NR1H4: variants seen among roughly 807,000 people sequenced by gnomAD.
NR1H4 encodes the protein nuclear receptor subfamily 1 group H member 4, also known as bile acid receptor.
In NR1H4, 23 loss-of-function variants were observed where a neutral mutation model predicts 58.5. That is an observed-to-expected ratio of 0.39 (90% CI 0.28 to 0.56). The LOEUF (loss-of-function observed/expected upper bound fraction) is 0.56. Ranked by LOEUF, NR1H4 falls within the 20% of genes least tolerant of loss-of-function variation. The probability of loss-of-function intolerance (pLI) is 0.58; values close to 1 mark genes in which losing one functional copy is unlikely to be tolerated. For synonymous variants in NR1H4, 214 were observed against 198.0 expected (o/e 1.08, Z -0.68); for missense variants, 487 against 576.9 (o/e 0.84, Z 1.60).
At position 100,506,038 on chromosome 12, in the gene NR1H4, CACACAG is replaced by C. The variant is rs1180624796; in HGVS notation, c.80-4738_80-4733del. Among the ~76,000 whole-genome samples, 398 of 132,240 alleles carry C rather than the reference CACACAG, an allele frequency of 3.0e-3. 1 individual carries two copies. Among genetic ancestry groups the C allele is most frequent in the African/African-American group, 0.013 (382 of 29,366 alleles). 86.8% of individuals were successfully genotyped at this position (132,240 alleles called of 152,430 possible). ...ACACACACACACACACACACACACA[CACACAG>C]AGAGAGAGAGAGAACATGAGCATAT... On this transcript the variant is annotated intron_variant, in intron 3 of 10. Coordinates refer to ENST00000392986, the MANE Select transcript of NR1H4 (RefSeq NM_001206979.2).
At chr12:100,543,441 G>A (rs958176674) in intron 9 of NR1H4, among the ~76,000 whole-genome samples, 4 of 152,096 alleles carry the variant, frequency 2.6e-5, no homozygotes, top group East Asian at 3.9e-4. Flanking sequence ...AAGATGTCAC[G>A]CTTGCTGCCA....
chr12:100,541,605 C>CT (rs111792361), intron 9 of NR1H4, among the ~76,000 whole-genome samples: 265 of 142,968 alleles, frequency 1.9e-3, no homozygotes, highest in Middle Eastern at 7.2e-3. Context: ...TTTTTCTTTT[C>CT]TTTTTTTTTT....
At position 100,499,949 on chromosome 12, in the gene NR1H4, G is replaced by T. The variant is rs1352255913; in HGVS notation, c.79+6547G>T. 1.8e-5 allele frequency: 8 copies of T among 455,838 alleles called. No homozygotes were observed. In the East Asian group the frequency reaches 3.5e-4, roughly 20 times the overall value. 28.2% of individuals were successfully genotyped at this position (455,838 alleles called of 1,614,324 possible). A position where few individuals can be genotyped will look rare whatever the true frequency, so the allele number is the denominator to read the frequency against. On this transcript the variant is annotated intron_variant, in intron 3 of 10. Coordinates refer to ENST00000392986, the MANE Select transcript of NR1H4 (RefSeq NM_001206979.2). Reference sequence around the variant, plus strand: ...AAGTTACTTGCCTTATTTAAATAAGGTGATAAGAAGAATGCCTGGCACATC... The same window carrying T: ...AAGTTACTTGCCTTATTTAAATAAGTTGATAAGAAGAATGCCTGGCACATC...
At chr12:100,550,682 C>T (rs1955184691) in intron 9 of NR1H4, among the ~76,000 whole-genome samples, 1 of 151,002 alleles carries the variant, frequency 6.6e-6, no homozygotes, top group Non-Finnish European at 1.5e-5. Context: ...TACATTTTAA[C>T]ATTAAGGAAA....
intron 1 of NR1H4, among the ~76,000 whole-genome samples, chr12:100,475,332 A>C (rs1249076213): frequency 6.6e-6 from 1 of 152,052 alleles, no homozygotes; most frequent in African/African-American, 2.4e-5. Context: ...TGTACCGTGG[A>C]CTTTTCTGTT....
chr12:100,528,220 T>G lies in NR1H4; in HGVS notation c.446-4238T>G, dbSNP rs74240151. On this transcript the variant is annotated intron_variant, in intron 4 of 10. Transcript: ENST00000392986. ...GTGCATGTGTATGTACACATATATGTGTATGACTTGAGAATAGGGTGTGGT... is the reference window on the plus strand; with the variant it reads ...GTGCATGTGTATGTACACATATATGGGTATGACTTGAGAATAGGGTGTGGT... Among the ~76,000 whole-genome samples the G allele has an allele frequency of 6.9e-3, 1,045 of 152,348 alleles. 56 individuals are homozygous for G. In the East Asian group the frequency reaches 0.14, roughly 21 times the overall value.
chr12:100,526,742 C>T (rs1411353661), intron 4 of NR1H4, among the ~76,000 whole-genome samples: 1 of 152,164 alleles, frequency 6.6e-6, no homozygotes, highest in Non-Finnish European at 1.5e-5. Flanking sequence ...AGATCTGTCA[C>T]TCCTCTAGAA....
At chr12:100,521,603 T>C (rs979808234) in intron 4 of NR1H4, among the ~76,000 whole-genome samples, 1 of 152,134 alleles carries the variant, frequency 6.6e-6, no homozygotes, top group Non-Finnish European at 1.5e-5. Flanking sequence ...TCTGAGTAAA[T>C]GAGTGACCCT....
chr12:100,557,510 T>G (rs1246879508), intron 9 of NR1H4, among the ~76,000 whole-genome samples: 1 of 152,212 alleles, frequency 6.6e-6, no homozygotes, highest in East Asian at 1.9e-4. Context: ...TATTGTGTAA[T>G]GATGTGATTT....
At chr12:100,544,346 T>C (rs1461730025) in intron 9 of NR1H4, among the ~76,000 whole-genome samples, 1 of 151,966 alleles carries the variant, frequency 6.6e-6, no homozygotes, top group Non-Finnish European at 1.5e-5. Flanking sequence ...CAAAACTTAT[T>C]CATTTTACTG....
Position 100,532,591 on chromosome 12 carries a change from G to C in NR1H4, c.579G>C (p.Leu193Phe), listed in dbSNP as rs200456214. The C allele has an allele frequency of 1.2e-5, 20 of 1,614,048 alleles. No individual in the cohort carries two copies. The East Asian group carries it at 4.5e-4, about 36-fold the overall frequency. ...GGAAATGCAAAGAGATGGGAATGTT[G>C]GCTGAATGTATGTATACAGGTATTC... ...RLRKCKEMGMLAECMYTGLLT... is the reference protein window; with the variant it reads ...RLRKCKEMGMFAECMYTGLLT... Residue 193 changes from leucine to phenylalanine, a missense_variant, in exon 5 of 11, where the codon TTG becomes TTC. Coordinates refer to ENST00000392986, the MANE Select transcript of NR1H4 (RefSeq NM_001206979.2).
chr12:100,543,933 T>G (rs1262389423), intron 9 of NR1H4, among the ~76,000 whole-genome samples: 3 of 152,110 alleles, frequency 2.0e-5, no homozygotes, highest in African/African-American at 7.2e-5. Context: ...CTGGCTTCCA[T>G]GGACTGTGGC....
At chr12:100,484,325 G>A (rs148705525) in intron 1 of NR1H4, among the ~76,000 whole-genome samples, 4 of 152,218 alleles carry the variant, frequency 2.6e-5, no homozygotes, top group African/African-American at 7.2e-5. Flanking sequence ...ATTGCAAATG[G>A]TTTATACTAA....
intron 3 of NR1H4, chr12:100,505,846 G>T: frequency 4.5e-6 from 2 of 443,542 alleles, no homozygotes; most frequent in Non-Finnish European, 4.0e-6. Context: ...TGCCAATGTT[G>T]TATTTGTTTA....
At chr12:100,481,596 A>G (rs112061988) in intron 1 of NR1H4, among the ~76,000 whole-genome samples, 3,449 of 152,158 alleles carry the variant, frequency 0.023, 53 homozygotes, top group Non-Finnish European at 0.036. Context: ...CAACATGGTG[A>G]AATCCTGTCT....
intron 9 of NR1H4, among the ~76,000 whole-genome samples, chr12:100,543,861 T>C (rs1954995687): frequency 6.6e-6 from 1 of 152,164 alleles, no homozygotes; most frequent in Admixed American, 6.5e-5. Context: ...GTTCTCTCTT[T>C]ATGCAGAAAA....
intron 1 of NR1H4, among the ~76,000 whole-genome samples, chr12:100,481,258 T>A (rs1182287301): frequency 6.6e-6 from 1 of 151,534 alleles, no homozygotes; most frequent in African/African-American, 2.4e-5. Context: ...AAGATCCAAT[T>A]AAGTATTTGA....
chr12:100,525,243 A>C (rs1259923015), intron 4 of NR1H4: 1 of 152,166 alleles, frequency 6.6e-6, no homozygotes, highest in East Asian at 1.9e-4. Flanking sequence ...TGATCTGCAC[A>C]GCTACCTCTT....
At chr12:100,521,407 G>A (rs898180919) in intron 4 of NR1H4, among the ~76,000 whole-genome samples, 1 of 152,190 alleles carries the variant, frequency 6.6e-6, no homozygotes, top group Non-Finnish European at 1.5e-5. Flanking sequence ...TGCAGCATAT[G>A]GAAATGTGCT....
Sources: gnomAD v4.1 joint callset for allele counts (sites outside exome capture counted in the v4.1 genomes callset) on GRCh38, gnomAD v4.1.1 for gene constraint, MANE v1.5 for transcripts, NCBI Gene and HGNC (gene_info 2026-07-23, HGNC 2026-07-21) for gene names.